The following NRG1 variants were observed in gnomAD, a reference collection of about 807,000 sequenced individuals.
NRG1 encodes neuregulin 1, also known as pro-neuregulin-1, membrane-bound isoform.
A neutral mutation model predicts 63.8 loss-of-function variants in NRG1; 18 were observed. That is an observed-to-expected ratio of 0.28 (90% CI 0.19 to 0.42). The LOEUF is 0.42. Among genes scored for constraint, NRG1 ranks in the 10% least tolerant of loss-of-function variants. The probability of loss-of-function intolerance (pLI) is 1.00; values close to 1 mark genes in which losing one functional copy is unlikely to be tolerated. For missense variants in NRG1, 762 were observed against 814.7 expected (o/e 0.94, Z 0.79); for synonymous variants, 302 against 301.3 (o/e 1.00, Z -0.02).
intron 1 of NRG1, among the ~76,000 whole-genome samples, chr8:32,005,525 T>C (rs1813633282): frequency 6.6e-6 from 1 of 152,014 alleles, no homozygotes; most frequent in Admixed American, 6.6e-5. Context: ...AAAATAGTCA[T>C]CTTAAGAACC....
chr8:32,116,667 C>G (rs1444553649), intron 1 of NRG1, among the ~76,000 whole-genome samples: 1 of 152,072 alleles, frequency 6.6e-6, no homozygotes, highest in East Asian at 1.9e-4. Context: ...AACATAAACT[C>G]ATCTTACAAT....
chr8:32,092,461 C>CAA (rs71208167), intron 1 of NRG1, among the ~76,000 whole-genome samples: 29,284 of 83,294 alleles, frequency 0.35, 4,411 homozygotes, highest in East Asian at 0.53. Flanking sequence ...GACCCTGTCT[C>CAA]AAAAAAAAAA....
intron 1 of NRG1, among the ~76,000 whole-genome samples, chr8:31,894,638 C>T (rs1831425117): frequency 6.6e-6 from 1 of 151,022 alleles, no homozygotes; most frequent in South Asian, 2.1e-4. Context: ...GCGAGCTCCG[C>T]CTCCCGGGTT....
chr8:31,886,613 T>A (rs1830733852), intron 1 of NRG1, among the ~76,000 whole-genome samples: 1 of 152,104 alleles, frequency 6.6e-6, no homozygotes, highest in African/African-American at 2.4e-5. Context: ...AATTAGTATC[T>A]TTTTAATGTG....
intron 1 of NRG1, among the ~76,000 whole-genome samples, chr8:32,222,655 A>T (rs1948096): frequency 0.018 from 2,717 of 152,234 alleles, 78 homozygotes; most frequent in African/African-American, 0.062. Context: ...TAGCTACGGA[A>T]CCTTGATTTC....
chr8:32,397,471 T>C (rs1167767276), intron 1 of NRG1, among the ~76,000 whole-genome samples: 1 of 151,794 alleles, frequency 6.6e-6, no homozygotes, highest in Admixed American at 6.6e-5. Context: ...TCCAAGTATC[T>C]ATACTCTTTT....
At chr8:31,665,910 G>A (rs1016283088) in intron 1 of NRG1, among the ~76,000 whole-genome samples, 6 of 152,112 alleles carry the variant, frequency 3.9e-5, no homozygotes, top group Admixed American at 6.6e-5. Context: ...CAGTTACACC[G>A]CTACTGCCAC....
At chr8:32,228,022 A>T (rs535699952) in intron 1 of NRG1, among the ~76,000 whole-genome samples, 1 of 152,308 alleles carries the variant, frequency 6.6e-6, no homozygotes, top group South Asian at 2.1e-4. Flanking sequence ...ATTAAGAATT[A>T]TGTCTTTCCT....
chr8:32,376,879 C>T (rs1055931243), intron 1 of NRG1, among the ~76,000 whole-genome samples: 4 of 152,190 alleles, frequency 2.6e-5, no homozygotes, highest in Non-Finnish European at 4.4e-5. Flanking sequence ...ATTAATACAT[C>T]TTTCATTATT....
intron 7 of NRG1, among the ~76,000 whole-genome samples, chr8:32,750,356 T>G (rs4512342): frequency 0.13 from 19,549 of 152,126 alleles, 1,590 homozygotes; most frequent in East Asian, 0.37. Flanking sequence ...CACTTTTTTG[T>G]AAGGCCTTCA....
chr8:32,411,901 A>G (rs1815014275), intron 1 of NRG1, among the ~76,000 whole-genome samples: 1 of 152,194 alleles, frequency 6.6e-6, no homozygotes, highest in South Asian at 2.1e-4. Flanking sequence ...GAACTGTCAT[A>G]AGTTGGGGAC....
intron 1 of NRG1, among the ~76,000 whole-genome samples, chr8:31,782,149 C>T (rs1319094418): frequency 6.6e-6 from 1 of 152,168 alleles, no homozygotes; most frequent in Non-Finnish European, 1.5e-5. Context: ...CCAAATTTCT[C>T]CCTCTTGCTC....
chr8:31,971,502 A>G (rs935619146), intron 1 of NRG1, among the ~76,000 whole-genome samples: 12 of 152,182 alleles, frequency 7.9e-5, no homozygotes, highest in Non-Finnish European at 7.3e-5. Flanking sequence ...CGTAAATGCT[A>G]TATAGTTAAG....
intron 1 of NRG1, among the ~76,000 whole-genome samples, chr8:32,047,166 C>G (rs1328508988): frequency 1.3e-5 from 2 of 151,918 alleles, no homozygotes; most frequent in Non-Finnish European, 2.9e-5. Context: ...TATTTGAGAC[C>G]AGCAGCATAT....
At chr8:31,921,917 A>G (rs1833953193) in intron 1 of NRG1, among the ~76,000 whole-genome samples, 1 of 152,296 alleles carries the variant, frequency 6.6e-6, no homozygotes, top group East Asian at 1.9e-4. Flanking sequence ...AATTTTCTTA[A>G]TTTAAAAAAT....
chr8:32,278,476 AG>A (rs1288633620), intron 1 of NRG1, among the ~76,000 whole-genome samples: 2 of 152,234 alleles, frequency 1.3e-5, no homozygotes, highest in Non-Finnish European at 1.5e-5. Context: ...TTTTGGAACC[AG>A]AGTGGTTCTG....
chr8:31,809,382 G>C (rs186656160), intron 1 of NRG1, among the ~76,000 whole-genome samples: 8 of 132,524 alleles, frequency 6.0e-5, no homozygotes, highest in Admixed American at 2.4e-4. Context: ...GTATATATAC[G>C]TGTATATATA....
intron 5 of NRG1, among the ~76,000 whole-genome samples, chr8:32,720,851 T>C (rs1406680589): frequency 1.3e-5 from 2 of 152,226 alleles, no homozygotes; most frequent in Admixed American, 6.5e-5. Context: ...AAATAACCTT[T>C]CCTGGCAATC....
intron 1 of NRG1, among the ~76,000 whole-genome samples, chr8:32,215,870 C>T (rs1191734239): frequency 4.0e-5 from 6 of 151,876 alleles, no homozygotes; most frequent in Admixed American, 2.6e-4. Context: ...GGTGAAAACC[C>T]GTTTCTACTA....
Sources: allele counts gnomAD v4.1 joint callset (sites outside exome capture counted in the v4.1 genomes callset), GRCh38; gene constraint gnomAD v4.1.1; transcripts MANE v1.5; gene names NCBI Gene and HGNC (gene_info 2026-07-23, HGNC 2026-07-21).